The following COL21A1 variants were observed in gnomAD, a reference collection of about 807,000 sequenced individuals.
The protein encoded by COL21A1 is collagen type XXI alpha 1 chain, also known as collagen alpha-1(XXI) chain.
COL21A1 carries 149 observed loss-of-function variants against 137.9 expected under a neutral mutation model. The ratio of observed to expected loss-of-function variants is 1.08; its 90% CI spans 0.95 to 1.24. The LOEUF (loss-of-function observed/expected upper bound fraction) is 1.24, where lower values mean the gene tolerates loss of function less well. Ranked by LOEUF, COL21A1 falls within the 50% of genes most tolerant of loss-of-function variation. COL21A1 has a pLI of 0.00. For synonymous variants in COL21A1, 456 were observed against 391.5 expected, an observed-to-expected ratio of 1.16 and a Z score of -1.95; for missense variants, 1,167 against 1,158.4, an observed-to-expected ratio of 1.01 and a Z score of -0.11.
intron 1 of COL21A1, among the ~76,000 whole-genome samples, chr6:56,303,551 A>G (rs1031298803): frequency 3.5e-4 from 53 of 152,280 alleles, no homozygotes; most frequent in Non-Finnish European, 6.5e-4. Context: ...TGGGTGTATA[A>G]GAATGCTTGT....
chr6:56,312,977 T>C (rs999365647), intron 1 of COL21A1, among the ~76,000 whole-genome samples: 5 of 152,150 alleles, frequency 3.3e-5, no homozygotes, highest in Non-Finnish European at 2.9e-5. Context: ...GTTGAATCCA[T>C]AGCCTTCCGC....
chr6:56,392,835 G>C (rs1173356855), intron 1 of COL21A1, among the ~76,000 whole-genome samples: 2 of 151,996 alleles, frequency 1.3e-5, no homozygotes, highest in Non-Finnish European at 2.9e-5. Flanking sequence ...ATTGATAAAA[G>C]AAATTGAAGA....
intron 1 of COL21A1, among the ~76,000 whole-genome samples, chr6:56,189,271 T>C (rs1778505096): frequency 6.6e-6 from 1 of 151,778 alleles, no homozygotes; most frequent in East Asian, 1.9e-4. Flanking sequence ...GAGAAGAATA[T>C]AAATGACCTG....
At chr6:56,095,834 T>G (rs910476745) in intron 17 of COL21A1, among the ~76,000 whole-genome samples, 2 of 152,090 alleles carry the variant, frequency 1.3e-5, no homozygotes, top group African/African-American at 4.8e-5. Context: ...TTATATCTCA[T>G]AATATTGGTT....
At chr6:56,312,191 GTTTGATC>G (rs1345867106) in intron 1 of COL21A1, among the ~76,000 whole-genome samples, 3 of 152,202 alleles carry the variant, frequency 2.0e-5, no homozygotes, top group East Asian at 3.8e-4. Context: ...TCTTAAGATT[GTTTGATC>G]TAGCTGTACT....
At chr6:56,085,788 G>A (rs1030941516) in intron 17 of COL21A1, among the ~76,000 whole-genome samples, 1 of 151,698 alleles carries the variant, frequency 6.6e-6, no homozygotes, top group Non-Finnish European at 1.5e-5. Flanking sequence ...AATTTTAATA[G>A]GCATTTCTAG....
At chr6:56,355,797 T>C (rs1245662700) in intron 1 of COL21A1, among the ~76,000 whole-genome samples, 3 of 152,210 alleles carry the variant, frequency 2.0e-5, no homozygotes, top group Non-Finnish European at 4.4e-5. Flanking sequence ...GATCCAAAGA[T>C]ATTCTTATAC....
rs769169706 is a variant in COL21A1 at position 56,220,807 on chromosome 6, T to C, written c.-39+26580A>G. ...CAATTACACATATTATTTTATTTAA[T>C]CCTACAAGACTTTGAAGTAGAAACT... On this transcript the variant is annotated intron_variant, in intron 1 of 29. Coordinates refer to ENST00000244728, the MANE Select transcript of COL21A1 (RefSeq NM_030820.4). Among the ~76,000 whole-genome samples the C allele has an allele frequency of 3.9e-4, 60 of 152,276 alleles. 1 individual carries two copies. The highest frequency in any genetic ancestry group is 1.2e-3 in the African/African-American group (50 of 41,582).
intron 16 of COL21A1, among the ~76,000 whole-genome samples, chr6:56,114,595 G>C (rs1771743561): frequency 6.6e-6 from 1 of 151,938 alleles, no homozygotes; most frequent in African/African-American, 2.4e-5. Context: ...CTGGCCATCA[G>C]AGAAATGCAA....
chr6:56,340,585 C>A, intron 1 of COL21A1, among the ~76,000 whole-genome samples: 1 of 150,484 alleles, frequency 6.6e-6, no homozygotes, highest in Non-Finnish European at 1.5e-5. Context: ...TATTTGAAGA[C>A]ACTTATTTGA....
At chr6:56,185,798 A>C (rs1331794692) in intron 1 of COL21A1, among the ~76,000 whole-genome samples, 1 of 152,184 alleles carries the variant, frequency 6.6e-6, no homozygotes, top group Admixed American at 6.5e-5. Flanking sequence ...AAAGAAGTTA[A>C]ATTATTAATC....
At chr6:56,183,253 A>C (rs770208124) in intron 1 of COL21A1, among the ~76,000 whole-genome samples, 1 of 146,038 alleles carries the variant, frequency 6.8e-6, no homozygotes, top group Non-Finnish European at 1.5e-5. Context: ...CAATGAGTAC[A>C]TACCAGATAA....
chr6:56,124,178 A>C, intron 15 of COL21A1, 61 bp downstream of exon 15: 1 of 1,537,626 alleles, frequency 6.5e-7, no homozygotes, highest in South Asian at 1.2e-5. Flanking sequence ...TTAAAGACAG[A>C]TACTATAAGA....
rs552519508 is a variant in COL21A1 at position 56,101,825 on chromosome 6, A to C, written c.1759-300T>G. On this transcript the variant is annotated intron_variant, in intron 16 of 29. Transcript: ENST00000244728. ...CCATCTTACTTCCAAGGTAAATGTG[A>C]CCAATATTCTATATCAGTCCTATTC... 8.5e-5 allele frequency among the ~76,000 whole-genome samples: 13 copies of C among 152,276 alleles called. 1 individual carries two copies. Among genetic ancestry groups the C allele is most frequent in the African/African-American group, 3.1e-4 (13 of 41,562 alleles).
At chr6:56,386,298 T>C (rs2094018106) in intron 1 of COL21A1, among the ~76,000 whole-genome samples, 1 of 152,220 alleles carries the variant, frequency 6.6e-6, no homozygotes, top group Non-Finnish European at 1.5e-5. Flanking sequence ...CTATGAAACA[T>C]TATGTTTATC....
At chr6:56,323,591 T>G (rs1014176247) in intron 1 of COL21A1, among the ~76,000 whole-genome samples, 1 of 152,120 alleles carries the variant, frequency 6.6e-6, no homozygotes, top group African/African-American at 2.4e-5. Flanking sequence ...GGTTTCAGCA[T>G]GTTGGCCAGG....
chr6:56,090,711 ATT>A (rs1042233446), intron 17 of COL21A1, among the ~76,000 whole-genome samples: 1 of 151,992 alleles, frequency 6.6e-6, no homozygotes, highest in Non-Finnish European at 1.5e-5. Context: ...ATGTAGTAAT[ATT>A]GTTTTATAAT....
intron 16 of COL21A1, among the ~76,000 whole-genome samples, chr6:56,102,252 G>A (rs1444658969): frequency 2.0e-5 from 3 of 152,088 alleles, no homozygotes; most frequent in African/African-American, 7.2e-5. Flanking sequence ...TATAATATCT[G>A]CAGATTAGTA....
chr6:56,328,836 C>T (rs1348108928), intron 1 of COL21A1, among the ~76,000 whole-genome samples: 1 of 152,000 alleles, frequency 6.6e-6, no homozygotes, highest in Non-Finnish European at 1.5e-5. Flanking sequence ...GCTAATCAAG[C>T]TCACAGACGG....
Sources: gnomAD v4.1 joint callset for allele counts (sites outside exome capture counted in the v4.1 genomes callset) on GRCh38, gnomAD v4.1.1 for gene constraint, MANE v1.5 for transcripts, NCBI Gene and HGNC (gene_info 2026-07-23, HGNC 2026-07-21) for gene names.